Variants in SPON1 observed in about 807,000 individuals in gnomAD.
SPON1 encodes spondin-1.
In SPON1, 52 loss-of-function variants were observed where a neutral mutation model predicts 111.7. The ratio of observed to expected loss-of-function variants is 0.47; its 90% CI spans 0.37 to 0.59. SPON1 has a LOEUF of 0.59. Ranked by LOEUF, SPON1 falls within the 20% of genes least tolerant of loss-of-function variation. The pLI is 0.00. For missense variants in SPON1, 957 were observed against 1,068.5 expected (o/e 0.90, Z 1.46); for synonymous variants, 410 against 395.8 (o/e 1.04, Z -0.43).
At chr11:14,003,996 T>A (rs927596172) in intron 2 of SPON1, among the ~76,000 whole-genome samples, 34 of 152,242 alleles carry the variant, frequency 2.2e-4, no homozygotes, top group African/African-American at 2.9e-4. Flanking sequence ...GCTCTTTTTT[T>A]AAAAAAATGT....
At chr11:14,114,344 T>C (rs1370861287) in intron 5 of SPON1, among the ~76,000 whole-genome samples, 5 of 152,208 alleles carry the variant, frequency 3.3e-5, no homozygotes, top group Admixed American at 2.6e-4. Context: ...AAAGTTCTGA[T>C]GCTGCCAAAG....
chr11:13,981,157 C>T (rs1411873706), intron 1 of SPON1, among the ~76,000 whole-genome samples: 3 of 152,174 alleles, frequency 2.0e-5, no homozygotes, highest in Non-Finnish European at 2.9e-5. Context: ...CCCAGCCCCT[C>T]TCCTGTATTA....
intron 6 of SPON1, among the ~76,000 whole-genome samples, chr11:14,156,066 C>G (rs1847842161): frequency 8.2e-6 from 1 of 122,430 alleles, no homozygotes; most frequent in Non-Finnish European, 1.8e-5. Context: ...GAGGAATCAC[C>G]ACACTGACTT....
chr11:14,223,753 C>T (rs1001322732), intron 6 of SPON1, among the ~76,000 whole-genome samples: 4 of 152,202 alleles, frequency 2.6e-5, no homozygotes, highest in African/African-American at 7.2e-5. Context: ...CTCCCTCCTA[C>T]CTTCTGTTCT....
intron 6 of SPON1, among the ~76,000 whole-genome samples, chr11:14,231,837 G>A (rs192321931): frequency 1.3e-5 from 2 of 152,238 alleles, no homozygotes; most frequent in East Asian, 1.9e-4. Flanking sequence ...ATATACGTGT[G>A]TGTGTGTGTG....
intron 6 of SPON1, among the ~76,000 whole-genome samples, chr11:14,223,566 G>A (rs143997853): frequency 3.0e-4 from 46 of 152,312 alleles, no homozygotes; most frequent in South Asian, 1.0e-3. Context: ...AATGTCATTC[G>A]GTTCTGTCGG....
chr11:14,256,503 T>A (rs3763950), intron 9 of SPON1, 114 bp from the exon 10 acceptor site: 205,736 of 660,824 alleles, frequency 0.31, 34,315 homozygotes, highest in East Asian at 0.4. Flanking sequence ...AACTTTGCCA[T>A]GGCATACGAT....
chr11:14,229,960 G>A (rs1564936061), intron 6 of SPON1, among the ~76,000 whole-genome samples: 1 of 126,672 alleles, frequency 7.9e-6, no homozygotes, highest in South Asian at 2.4e-4. Flanking sequence ...CCGTGTGTGT[G>A]TGTGTGTGTG....
chr11:14,216,814 A>G (rs1554937189), intron 6 of SPON1, among the ~76,000 whole-genome samples: 1 of 152,194 alleles, frequency 6.6e-6, no homozygotes. Context: ...CAACACATGA[A>G]TTTTGGGGGA....
At chr11:14,243,280 G>A (rs1173686784) in intron 6 of SPON1, 52 bp from the exon 7 acceptor site, 29 of 1,519,322 alleles carry the variant, frequency 1.9e-5, no homozygotes, top group Non-Finnish European at 2.6e-5. Context: ...AAGCCCTATT[G>A]TTCCCATGAG....
intron 6 of SPON1, among the ~76,000 whole-genome samples, chr11:14,209,412 G>GC (rs571672187): frequency 3.4e-4 from 51 of 151,744 alleles, no homozygotes; most frequent in Middle Eastern, 3.4e-3. Context: ...CCCTCCCCTA[G>GC]CCCCCCACAC....
At chr11:14,085,759 A>G (rs1554922532) in intron 5 of SPON1, among the ~76,000 whole-genome samples, 1 of 152,198 alleles carries the variant, frequency 6.6e-6, no homozygotes, top group African/African-American at 2.4e-5. Flanking sequence ...TTTTCACAAT[A>G]TTAATTCTTC....
At chr11:13,986,428 T>C (rs1486058503) in intron 2 of SPON1, among the ~76,000 whole-genome samples, 2 of 152,196 alleles carry the variant, frequency 1.3e-5, no homozygotes, top group East Asian at 1.9e-4. Context: ...TTGTTATATA[T>C]ATAGAATGTG....
intron 3 of SPON1, among the ~76,000 whole-genome samples, chr11:14,072,827 A>G (rs963280744): frequency 6.6e-6 from 1 of 152,174 alleles, no homozygotes; most frequent in Non-Finnish European, 1.5e-5. Context: ...AAAAGAGCAG[A>G]TCTGATCATC....
chr11:14,173,840 G>A lies in SPON1; in HGVS notation c.825+38272G>A, dbSNP rs1017066098. Among the ~76,000 whole-genome samples the A allele has an allele frequency of 9.2e-5, 14 of 152,222 alleles. No individual in the cohort carries two copies. The East Asian group carries it at 1.7e-3, about 19-fold the overall frequency. ...GAACCGCAAACGTTTCTGCCTGATC[G>A]TTCTTCTAGAAGTTTTGTCTCAGAG... On this transcript the variant is annotated intron_variant, in intron 6 of 15. Coordinates refer to ENST00000576479, the MANE Select transcript of SPON1 (RefSeq NM_006108.4).
In SPON1 at chr11:14,130,809, C is replaced by CTCACCTAATTATATATTATTT. The variant is rs1321889817; in HGVS notation, c.677-4607_677-4587dup. Reference sequence around the variant, plus strand: ...CCCAATCTTTTACAGATATCTTGCTCTCACCTAATTATATATTATTTTCAG... The same window carrying CTCACCTAATTATATATTATTT: ...CCCAATCTTTTACAGATATCTTGCTCTCACCTAATTATATATTATTTTCACCTAATTATATATTATTTTCAG... On this transcript the variant is annotated intron_variant, in intron 5 of 15. Transcript: ENST00000576479. Among the ~76,000 whole-genome samples the CTCACCTAATTATATATTATTT allele has an allele frequency of 2.6e-4, 40 of 151,694 alleles. No homozygotes were observed. The East Asian group carries it at 7.6e-3, about 29-fold the overall frequency.
intron 3 of SPON1, among the ~76,000 whole-genome samples, chr11:14,074,701 A>C (rs1221860734): frequency 6.6e-6 from 1 of 152,172 alleles, no homozygotes; most frequent in Non-Finnish European, 1.5e-5. Context: ...TGCAATCCCA[A>C]ATTAAAGCGA....
chr11:14,059,215 C>T (rs1328649189), intron 3 of SPON1, among the ~76,000 whole-genome samples: 2 of 152,118 alleles, frequency 1.3e-5, no homozygotes, highest in Non-Finnish European at 2.9e-5. Context: ...GCTGCAGAGT[C>T]AGCACAGCTC....
intron 2 of SPON1, among the ~76,000 whole-genome samples, chr11:13,985,344 C>T (rs1238498744): frequency 2.6e-5 from 4 of 152,218 alleles, no homozygotes; most frequent in African/African-American, 4.8e-5. Flanking sequence ...TTAAACAGTG[C>T]TTGTGTGCCA....
Sources: allele counts gnomAD v4.1 joint callset (sites outside exome capture counted in the v4.1 genomes callset), GRCh38; gene constraint gnomAD v4.1.1; transcripts MANE v1.5; gene names NCBI Gene and HGNC (gene_info 2026-07-23, HGNC 2026-07-21).